Variants in TMEM178B observed in about 807,000 individuals in gnomAD.
TMEM178B encodes transmembrane protein 178B.
TMEM178B carries 5 observed loss-of-function variants against 31.0 expected under a neutral mutation model. The ratio of observed to expected loss-of-function variants is 0.16; its 90% confidence interval spans 0.08 to 0.34. The LOEUF is 0.34. Among genes scored for constraint, TMEM178B ranks in the 10% least tolerant of loss-of-function variants. The probability of loss-of-function intolerance (pLI) is 1.00; values close to 1 mark genes in which losing one functional copy is unlikely to be tolerated. For synonymous variants in TMEM178B, 164 were observed against 164.0 expected (o/e 1.00, Z 0.00); for missense variants, 275 against 400.3 (o/e 0.69, Z 2.67).
rs377659206 is a variant in TMEM178B at position 141,211,002 on chromosome 7, G to A, written c.383-1589G>A. ...TGATGTAGACTGGATGGGAGGTGAT[G>A]CTATTAATGGAAATTGTTATGGAAA... On this transcript the variant is annotated intron_variant, in intron 1 of 3. Transcript: ENST00000565468. Among the ~76,000 whole-genome samples the A allele has an allele frequency of 2.6e-5, 4 of 152,170 alleles. No homozygotes were observed. In the East Asian group the frequency reaches 7.7e-4, roughly 29 times the overall value.
the TMEM178B span, among the ~76,000 whole-genome samples, chr7:141,498,667 C>T: frequency 9.2e-5 from 14 of 152,346 alleles, no homozygotes; most frequent in Non-Finnish European, 1.8e-4. Flanking sequence ...TCCACTGCCT[C>T]ATCCTTTAGC....
At chr7:141,459,966 C>CA (rs1802033797) in intron 3 of TMEM178B, among the ~76,000 whole-genome samples, 1 of 149,464 alleles carries the variant, frequency 6.7e-6, no homozygotes, top group Non-Finnish European at 1.5e-5. Flanking sequence ...AAAAAAAGAA[C>CA]ACAAGATGCC....
rs181325535 is a variant in TMEM178B at position 141,452,381 on chromosome 7, C to A, written c.634+14636C>A. 3.2e-4 allele frequency among the ~76,000 whole-genome samples: 48 copies of A among 152,336 alleles called. No homozygotes were observed. In the East Asian group the frequency reaches 7.1e-3, roughly 23 times the overall value. On this transcript the variant is annotated intron_variant, in intron 3 of 3. Coordinates refer to ENST00000565468, the MANE Select transcript of TMEM178B (RefSeq NM_001195278.2). The stretch of plus-strand genomic sequence containing the variant: ...GCACCCAACACATGTCTGCTCTGAT[C>A]TTTCCCTTCCTCCAGCAAATTAGCT...
At chr7:141,198,450 C>T (rs1317729111) in intron 1 of TMEM178B, among the ~76,000 whole-genome samples, 1 of 152,244 alleles carries the variant, frequency 6.6e-6, no homozygotes, top group East Asian at 1.9e-4. Context: ...TCTGAAGAAG[C>T]AGGAATGACG....
At chr7:141,227,854 A>G (rs1317226692) in intron 2 of TMEM178B, among the ~76,000 whole-genome samples, 2 of 152,176 alleles carry the variant, frequency 1.3e-5, no homozygotes, top group Non-Finnish European at 2.9e-5. Flanking sequence ...CTGTTTTCTA[A>G]CCCACTCTTT....
intron 2 of TMEM178B, among the ~76,000 whole-genome samples, chr7:141,285,768 A>G (rs1279255753): frequency 6.6e-6 from 1 of 152,218 alleles, no homozygotes; most frequent in Non-Finnish European, 1.5e-5. Context: ...CAGCCATAAA[A>G]AGGATAAGTT....
intron 2 of TMEM178B, among the ~76,000 whole-genome samples, chr7:141,264,103 G>A (rs1484984322): frequency 6.6e-6 from 1 of 152,118 alleles, no homozygotes; most frequent in Non-Finnish European, 1.5e-5. Flanking sequence ...ATTTTGGTGG[G>A]GGGCTCCATC....
intron 1 of TMEM178B, among the ~76,000 whole-genome samples, chr7:141,087,945 G>A (rs1374159142): frequency 1.3e-5 from 2 of 152,122 alleles, no homozygotes; most frequent in Admixed American, 1.3e-4. Flanking sequence ...AGTTCCAAGG[G>A]ATTTCAGGGG....
chr7:141,257,399 A>G (rs1380137351), intron 2 of TMEM178B, among the ~76,000 whole-genome samples: 1 of 152,248 alleles, frequency 6.6e-6, no homozygotes, highest in African/African-American at 2.4e-5. Flanking sequence ...AGATGTTGAC[A>G]CAAAAAATCT....
At chr7:141,294,298 A>G (rs1798594472) in intron 2 of TMEM178B, among the ~76,000 whole-genome samples, 1 of 152,188 alleles carries the variant, frequency 6.6e-6, no homozygotes, top group South Asian at 2.1e-4. Context: ...ACCCCTGCTG[A>G]TCTCAGCTAT....
chr7:141,195,853 C>T (rs972917065), intron 1 of TMEM178B, among the ~76,000 whole-genome samples: 3 of 152,156 alleles, frequency 2.0e-5, no homozygotes, highest in Non-Finnish European at 2.9e-5. Context: ...TACGTGGCAG[C>T]AGCAAGAGAA....
chr7:141,186,277 T>C (rs1026543050), intron 1 of TMEM178B, among the ~76,000 whole-genome samples: 2 of 152,096 alleles, frequency 1.3e-5, no homozygotes, highest in Non-Finnish European at 2.9e-5. Flanking sequence ...GAGGGAGTTG[T>C]GTTTTGAAAG....
At chr7:141,268,143 C>T (rs62484710) in intron 2 of TMEM178B, among the ~76,000 whole-genome samples, 4,913 of 152,218 alleles carry the variant, frequency 0.032, 112 homozygotes, top group Middle Eastern at 0.065. Context: ...AAAATAAACT[C>T]GCACTAACTT....
chr7:141,177,394 G>A (rs1295227533), intron 1 of TMEM178B, among the ~76,000 whole-genome samples: 1 of 152,192 alleles, frequency 6.6e-6, no homozygotes, highest in Non-Finnish European at 1.5e-5. Flanking sequence ...TAAGTGTGAT[G>A]TGGAGCGGAG....
chr7:141,266,228 G>T (rs1798092743), intron 2 of TMEM178B, among the ~76,000 whole-genome samples: 1 of 152,220 alleles, frequency 6.6e-6, no homozygotes, highest in Admixed American at 6.5e-5. Flanking sequence ...ACTTCCCTCT[G>T]TGGGGGAGAA....
At chr7:141,227,519 A>G (rs1195466279) in intron 2 of TMEM178B, among the ~76,000 whole-genome samples, 1 of 152,216 alleles carries the variant, frequency 6.6e-6, no homozygotes, top group Non-Finnish European at 1.5e-5. Flanking sequence ...TTGACAGAGG[A>G]GGAAACTGAG....
intron 2 of TMEM178B, among the ~76,000 whole-genome samples, chr7:141,229,106 T>TG (rs1797396547): frequency 1.4e-5 from 2 of 142,872 alleles, no homozygotes; most frequent in African/African-American, 2.8e-5. Flanking sequence ...GTGTGGTGTG[T>TG]GTGTGTGTGT....
chr7:141,125,842 C>T (rs1387815336), intron 1 of TMEM178B, among the ~76,000 whole-genome samples: 4 of 152,132 alleles, frequency 2.6e-5, no homozygotes, highest in Non-Finnish European at 5.9e-5. Context: ...TCTTTTGGTA[C>T]TGGAAGTGCA....
chr7:141,170,217 T>C (rs1460435702), intron 1 of TMEM178B, among the ~76,000 whole-genome samples: 2 of 152,224 alleles, frequency 1.3e-5, no homozygotes, highest in African/African-American at 4.8e-5. Flanking sequence ...TATTTTCATA[T>C]TGTTATTCAT....
Sources: allele counts gnomAD v4.1 joint callset (sites outside exome capture counted in the v4.1 genomes callset), GRCh38; gene constraint gnomAD v4.1.1; transcripts MANE v1.5; gene names NCBI Gene and HGNC (gene_info 2026-07-23, HGNC 2026-07-21).